TMEM74: variants seen among roughly 807,000 people sequenced by gnomAD.
TMEM74 encodes the protein transmembrane protein 74.
TMEM74 carries 13 observed loss-of-function variants against 18.1 expected under a neutral mutation model. The ratio of observed to expected loss-of-function variants is 0.72; its 90% CI spans 0.47 to 1.14. The LOEUF (loss-of-function observed/expected upper bound fraction) is 1.14, where lower values mean the gene tolerates loss of function less well. TMEM74 is among the 50% of genes most tolerant of loss of function. TMEM74 has a pLI of 0.00. For missense variants in TMEM74, 372 were observed against 375.9 expected (o/e 0.99, Z 0.09); for synonymous variants, 159 against 146.6 (o/e 1.08, Z -0.61).
At chr8:108,621,635 C>T (rs75030205) in intron 2 of TMEM74, among the ~76,000 whole-genome samples, 4 of 152,066 alleles carry the variant, frequency 2.6e-5, no homozygotes, top group African/African-American at 9.7e-5. Context: ...TCCATGTGGA[C>T]GTGTGGGTGA....
In TMEM74 at chr8:108,784,503, G is replaced by T. The variant is rs1814351669; in HGVS notation, c.596C>A (p.Pro199Gln). ...ILLVIISYIVPREVTVDPNTV... is the reference protein window; with the variant it reads ...ILLVIISYIVQREVTVDPNTV... ...GTTGGGGTCCACAGTCACTTCCCGTGGGACGATGTAAGAGATGATCACGAG... is the reference window on the plus strand; with the variant it reads ...GTTGGGGTCCACAGTCACTTCCCGTTGGACGATGTAAGAGATGATCACGAG... Residue 199 changes from proline (P) to glutamine (Q), a missense_variant, in exon 2 of 2, where the codon CCA becomes CAA. By Grantham distance (76) the Pro-to-Gln change is moderately conservative. Coordinates refer to ENST00000297459, the MANE Select transcript of TMEM74 (RefSeq NM_153015.3). 5 of 1,614,162 alleles carry T rather than the reference G, an allele frequency of 3.1e-6. No homozygotes were observed. The East Asian group carries it at 8.9e-5, about 29-fold the overall frequency.
At chr8:108,620,819 T>C (rs1238410435) in intron 2 of TMEM74, among the ~76,000 whole-genome samples, 3 of 152,134 alleles carry the variant, frequency 2.0e-5, no homozygotes, top group African/African-American at 7.2e-5. Context: ...GCCTCCTTGA[T>C]AGGTTCTTAG....
chr8:108,662,437 T>C lies in TMEM74; in HGVS notation n.120-7000A>G, dbSNP rs1015380846. Among the ~76,000 whole-genome samples, 3 of 152,184 alleles carry C rather than the reference T, an allele frequency of 2.0e-5. No homozygotes were observed. The East Asian group carries it at 5.8e-4, about 29-fold the overall frequency. ...GCAACTACTACAGACATGAGAACTT[T>C]AAGGAAAGGGAGTTGCTCTTATTGA... On this transcript the variant is annotated intron_variant and non_coding_transcript_variant, in intron 1 of 3. Transcript: ENST00000518838.
In TMEM74 at chr8:108,780,125, G is replaced by C. The variant is rs1017090651; in HGVS notation, c.*4056C>G. On this transcript the variant is annotated 3_prime_UTR_variant, in exon 2 of 2. Transcript: ENST00000297459. Reference sequence around the variant, plus strand: ...AAGGTTAAACCCATTACAGAGAACAGTAAGTATTGATAGTATTACATCTTG... The same window carrying C: ...AAGGTTAAACCCATTACAGAGAACACTAAGTATTGATAGTATTACATCTTG... 6.6e-6 allele frequency among the ~76,000 whole-genome samples: 1 copy of C among 152,168 alleles called. No homozygotes were observed. The highest frequency in any genetic ancestry group is 1.5e-5 in the Non-Finnish European group (1 of 68,028).
rs565994713 is a variant in TMEM74 at position 108,621,671 on chromosome 8, G to C, written n.265-12845C>G. Among the ~76,000 whole-genome samples the C allele has an allele frequency of 7.2e-5, 11 of 152,288 alleles. No individual in the cohort carries two copies. The East Asian group carries it at 1.7e-3, about 24-fold the overall frequency. Reference sequence around the variant, plus strand: ...TTAGCAACATGACATCTCTGCTGAGGTGTAGCTTGTACTGTAGTCACAAGC... The same window carrying C: ...TTAGCAACATGACATCTCTGCTGAGCTGTAGCTTGTACTGTAGTCACAAGC... On this transcript the variant is annotated intron_variant and non_coding_transcript_variant, in intron 2 of 3. Transcript: ENST00000518838.
At chr8:108,727,608 A>G (rs1010272368) in intron 1 of TMEM74, among the ~76,000 whole-genome samples, 37 of 152,300 alleles carry the variant, frequency 2.4e-4, no homozygotes, top group African/African-American at 8.2e-4. Flanking sequence ...TCTTTCATAG[A>G]TATATAAGTA....
chr8:108,692,325 G>A (rs1813239785), intron 1 of TMEM74, among the ~76,000 whole-genome samples: 2 of 152,150 alleles, frequency 1.3e-5, no homozygotes, highest in South Asian at 4.1e-4. Context: ...TTCAGGCTCA[G>A]AAGCATCTCA....
intron 1 of TMEM74, among the ~76,000 whole-genome samples, chr8:108,756,639 G>GA (rs1813970019): frequency 6.7e-4 from 22 of 32,730 alleles, no homozygotes; most frequent in African/African-American, 2.2e-3. Context: ...AGGAAGGAAG[G>GA]AAGAAAGAAA....
Position 108,767,806 on chromosome 8 carries a change from C to T in TMEM74, n.119+19670G>A, listed in dbSNP as rs185094994. Among the ~76,000 whole-genome samples, 16 of 152,030 alleles carry T rather than the reference C, an allele frequency of 1.1e-4. No homozygotes were observed. In the East Asian group the frequency reaches 3.1e-3, roughly 29 times the overall value. On this transcript the variant is annotated intron_variant and non_coding_transcript_variant, in intron 1 of 3. Coordinates refer to the TMEM74 transcript ENST00000518838. The stretch of plus-strand genomic sequence containing the variant: ...ATATTTTTTATTATTAAGCTTTGGT[C>T]TAACATCTCAATTACATCAATTCTT...
intron 2 of TMEM74, among the ~76,000 whole-genome samples, chr8:108,615,328 C>T (rs143141332): frequency 3.9e-5 from 6 of 152,300 alleles, no homozygotes; most frequent in East Asian, 1.9e-4. Context: ...CATTATTAAA[C>T]AAGACACATT....
At chr8:108,726,947 C>A (rs1260335771) in intron 1 of TMEM74, among the ~76,000 whole-genome samples, 1 of 152,004 alleles carries the variant, frequency 6.6e-6, no homozygotes, top group African/African-American at 2.4e-5. Context: ...TCCAGAGAGG[C>A]CTCATTGAGA....
intron 2 of TMEM74, among the ~76,000 whole-genome samples, chr8:108,647,325 T>C (rs1473182696): frequency 6.6e-6 from 1 of 152,202 alleles, no homozygotes; most frequent in East Asian, 1.9e-4. Context: ...CTTAGAGATG[T>C]CTAGTTTGGC....
rs554279212 is a variant in TMEM74 at position 108,686,010 on chromosome 8, G to A, written n.120-30573C>T. On this transcript the variant is annotated intron_variant and non_coding_transcript_variant, in intron 1 of 3. Coordinates refer to the TMEM74 transcript ENST00000518838. ...CTTTAAAATATGAAAACTCAATAAAGGTGTTAATTAAACTTAAATAAATGT... is the reference window on the plus strand; with the variant it reads ...CTTTAAAATATGAAAACTCAATAAAAGTGTTAATTAAACTTAAATAAATGT... Among the ~76,000 whole-genome samples the A allele has an allele frequency of 1.5e-4, 23 of 151,774 alleles. No individual in the cohort carries two copies. In the South Asian group the frequency reaches 2.7e-3, roughly 18 times the overall value.
chr8:108,621,129 T>G (rs936856793), intron 2 of TMEM74, among the ~76,000 whole-genome samples: 1 of 152,180 alleles, frequency 6.6e-6, no homozygotes, highest in Non-Finnish European at 1.5e-5. Context: ...GACTAAGCCT[T>G]GGATACAGGT....
At chr8:108,718,283 C>T (rs1813549955) in intron 1 of TMEM74, among the ~76,000 whole-genome samples, 1 of 152,068 alleles carries the variant, frequency 6.6e-6, no homozygotes, top group Non-Finnish European at 1.5e-5. Context: ...AAAGGACCCC[C>T]TGGCTGCTGT....
At chr8:108,644,409 A>C (rs1812695621) in intron 2 of TMEM74, among the ~76,000 whole-genome samples, 1 of 152,142 alleles carries the variant, frequency 6.6e-6, no homozygotes, top group South Asian at 2.1e-4. Flanking sequence ...ATAAATTCTT[A>C]GAAGAAAACT....
chr8:108,690,602 T>C (rs898307657), intron 1 of TMEM74, among the ~76,000 whole-genome samples: 2 of 151,738 alleles, frequency 1.3e-5, no homozygotes, highest in Non-Finnish European at 2.9e-5. Flanking sequence ...GATCACGAGG[T>C]CAGGAGATCA....
intron 1 of TMEM74, among the ~76,000 whole-genome samples, chr8:108,680,639 C>T (rs1813103596): frequency 6.6e-6 from 1 of 152,126 alleles, no homozygotes; most frequent in Non-Finnish European, 1.5e-5. Context: ...CACTCCTATT[C>T]AACATAGTGT....
intron 1 of TMEM74, among the ~76,000 whole-genome samples, chr8:108,662,484 A>G (rs1812910267): frequency 6.6e-6 from 1 of 152,128 alleles, no homozygotes; most frequent in Admixed American, 6.6e-5. Context: ...TTTCTTGTGT[A>G]TTGTGTTACA....
Sources: gnomAD v4.1 joint callset for allele counts (sites outside exome capture counted in the v4.1 genomes callset) on GRCh38, gnomAD v4.1.1 for gene constraint, MANE v1.5 for transcripts, NCBI Gene and HGNC (gene_info 2026-07-23, HGNC 2026-07-21) for gene names.